Variants in GPC5 observed in about 807,000 individuals in gnomAD.
GPC5 encodes glypican-5.
GPC5 carries 47 observed loss-of-function variants against 53.9 expected under a neutral mutation model. The ratio of observed to expected loss-of-function variants is 0.87; its 90% CI spans 0.69 to 1.11. GPC5 has a LOEUF of 1.11. Among genes scored for constraint, GPC5 ranks in the 50% most tolerant of loss-of-function variants. The probability of loss-of-function intolerance (pLI) is 0.00; values close to 1 mark genes in which losing one functional copy is unlikely to be tolerated. For missense variants in GPC5, 748 were observed against 713.1 expected, an observed-to-expected ratio of 1.05 and a Z score of -0.56; for synonymous variants, 286 against 263.3, an observed-to-expected ratio of 1.09 and a Z score of -0.84.
intron 2 of GPC5, among the ~76,000 whole-genome samples, chr13:91,644,810 T>C (rs973583600): frequency 5.3e-5 from 8 of 152,212 alleles, no homozygotes; most frequent in Admixed American, 2.6e-4. Flanking sequence ...TTTGTGACTG[T>C]GTACAGATAC....
At chr13:92,642,486 T>C (rs1242455820) in intron 7 of GPC5, among the ~76,000 whole-genome samples, 1 of 152,222 alleles carries the variant, frequency 6.6e-6, no homozygotes, top group Non-Finnish European at 1.5e-5. Flanking sequence ...TCAACAGGTC[T>C]GTATATTATT....
chr13:92,079,545 A>G (rs1273925466), intron 6 of GPC5, among the ~76,000 whole-genome samples: 1 of 152,202 alleles, frequency 6.6e-6, no homozygotes, highest in Non-Finnish European at 1.5e-5. Context: ...TTAAATGCTC[A>G]CAGAGTGGAT....
chr13:91,998,661 G>A (rs2040527042), intron 6 of GPC5, among the ~76,000 whole-genome samples: 1 of 152,158 alleles, frequency 6.6e-6, no homozygotes, highest in East Asian at 1.9e-4. Flanking sequence ...ACTATAATGA[G>A]AAAACTGAAA....
At chr13:92,241,932 A>G (rs2042614799) in intron 7 of GPC5, 2 of 152,050 alleles carry the variant, frequency 1.3e-5, no homozygotes. Flanking sequence ...GAAGTAGAAG[A>G]ATTAGAAATT....
chr13:92,834,641 C>T (rs1421335898), intron 7 of GPC5, among the ~76,000 whole-genome samples: 2 of 152,224 alleles, frequency 1.3e-5, no homozygotes, highest in South Asian at 2.1e-4. Context: ...CTCTTCCTAA[C>T]GTCTAATGTC....
Position 91,399,077 on chromosome 13 carries a change from C to A in GPC5, c.31C>A (p.Arg11Ser), listed in dbSNP as rs1876702768. 2 of 1,579,278 alleles carry A rather than the reference C, an allele frequency of 1.3e-6. No individual in the cohort carries two copies. The highest frequency in any genetic ancestry group is 1.7e-6 in the Non-Finnish European group (2 of 1,162,960). MDAQTWPVGF[R>S]CLLLLALVGS... is the part of the protein sequence containing the mutation. ...CGCACAGACCTGGCCCGTGGGCTTTCGCTGCCTCCTCCTTCTGGCCCTGGT... is the reference window on the plus strand; with the variant it reads ...CGCACAGACCTGGCCCGTGGGCTTTAGCTGCCTCCTCCTTCTGGCCCTGGT... The change falls in exon 1 of 8, where the codon CGC becomes AGC. Residue 11 changes from arginine to serine, a missense_variant. Coordinates refer to ENST00000377067, the MANE Select transcript of GPC5 (RefSeq NM_004466.6).
chr13:92,300,572 GC>G (rs2043068751), intron 7 of GPC5, among the ~76,000 whole-genome samples: 1 of 152,112 alleles, frequency 6.6e-6, no homozygotes, highest in Non-Finnish European at 1.5e-5. Flanking sequence ...AATTCAAAAA[GC>G]CTTGGAAAAT....
intron 6 of GPC5, among the ~76,000 whole-genome samples, chr13:92,134,042 T>TG (rs2041765206): frequency 6.6e-6 from 1 of 152,140 alleles, no homozygotes; most frequent in Non-Finnish European, 1.5e-5. Flanking sequence ...AATACACTCT[T>TG]GGTAGTATGG....
intron 2 of GPC5, among the ~76,000 whole-genome samples, chr13:91,449,322 ATT>A (rs954111257): frequency 2.6e-5 from 4 of 151,930 alleles, no homozygotes; most frequent in African/African-American, 4.8e-5. Context: ...TCTACTAAAA[ATT>A]TTTTTTGGAT....
At chr13:91,570,328 CT>C (rs1277594886) in intron 2 of GPC5, among the ~76,000 whole-genome samples, 1 of 152,132 alleles carries the variant, frequency 6.6e-6, no homozygotes, top group African/African-American at 2.4e-5. Flanking sequence ...AAATCTGAAA[CT>C]TTTTGAGCAC....
At chr13:92,745,082 T>C (rs1240652287) in intron 7 of GPC5, among the ~76,000 whole-genome samples, 1 of 152,106 alleles carries the variant, frequency 6.6e-6, no homozygotes, top group Non-Finnish European at 1.5e-5. Flanking sequence ...TAGAATGCTT[T>C]ATTTGTTTAA....
intron 2 of GPC5, among the ~76,000 whole-genome samples, chr13:91,591,318 T>G (rs1191852343): frequency 1.3e-5 from 2 of 152,232 alleles, no homozygotes; most frequent in African/African-American, 4.8e-5. Context: ...GCTGGCCTGA[T>G]GGGGTTCCAT....
intron 7 of GPC5, among the ~76,000 whole-genome samples, chr13:92,492,817 A>G (rs7997157): frequency 0.031 from 4,755 of 152,294 alleles, 247 homozygotes; most frequent in African/African-American, 0.11. Flanking sequence ...TGCAATGCCT[A>G]GTAATCTCCA....
intron 7 of GPC5, among the ~76,000 whole-genome samples, chr13:92,851,305 A>C (rs1566445184): frequency 6.6e-6 from 1 of 150,800 alleles, no homozygotes; most frequent in Non-Finnish European, 1.5e-5. Flanking sequence ...ACCTATAAAA[A>C]ATACTGACAT....
intron 7 of GPC5, among the ~76,000 whole-genome samples, chr13:92,370,906 T>G (rs2043645159): frequency 6.6e-6 from 1 of 152,164 alleles, no homozygotes; most frequent in African/African-American, 2.4e-5. Context: ...CCCAGCACTT[T>G]GGGAGGCTGA....
At chr13:91,410,061 T>C (rs1283432543) in intron 1 of GPC5, among the ~76,000 whole-genome samples, 1 of 152,250 alleles carries the variant, frequency 6.6e-6, no homozygotes, top group Non-Finnish European at 1.5e-5. Context: ...AGTTTTGAAA[T>C]AGGTTAGTCT....
intron 7 of GPC5, among the ~76,000 whole-genome samples, chr13:92,385,680 CACACATATATACCTATATACACATATAT>C (rs1874654358): frequency 7.1e-6 from 1 of 140,578 alleles, no homozygotes; most frequent in African/African-American, 2.7e-5. Flanking sequence ...TACATATATA[CACACATATATACCTATATACACATATAT>C]ACACATATAT....
chr13:91,401,470 T>C (rs1566364731), intron 1 of GPC5, among the ~76,000 whole-genome samples: 1 of 152,228 alleles, frequency 6.6e-6, no homozygotes. Flanking sequence ...AGAACATAAT[T>C]TAGTCATTTC....
At chr13:92,648,901 C>T (rs1443821747) in intron 7 of GPC5, among the ~76,000 whole-genome samples, 1 of 151,994 alleles carries the variant, frequency 6.6e-6, no homozygotes, top group East Asian at 1.9e-4. Flanking sequence ...TGTGAGCTTC[C>T]AATAGGAGTG....
Sources: allele counts gnomAD v4.1 joint callset (sites outside exome capture counted in the v4.1 genomes callset), GRCh38; gene constraint gnomAD v4.1.1; transcripts MANE v1.5; gene names NCBI Gene and HGNC (gene_info 2026-07-23, HGNC 2026-07-21).